The following EML5 variants were observed in gnomAD, a reference collection of about 807,000 sequenced individuals.
The protein encoded by EML5 is echinoderm microtubule-associated protein-like 5.
Under a neutral mutation model 250.0 loss-of-function variants are expected in EML5, and 120 were observed. That is an observed-to-expected ratio of 0.48 (90% CI 0.41 to 0.56). The LOEUF (loss-of-function observed/expected upper bound fraction) is 0.56, where lower values mean the gene tolerates loss of function less well. Among genes scored for constraint, EML5 ranks in the 20% least tolerant of loss-of-function variants. The pLI is 0.00. For synonymous variants in EML5, 771 were observed against 806.5 expected, an observed-to-expected ratio of 0.96 and a Z score of 0.75; for missense variants, 2,006 against 2,437.6, an observed-to-expected ratio of 0.82 and a Z score of 3.73.
At chr14:88,727,401 A>ATTTT (rs3055841) in intron 7 of EML5, among the ~76,000 whole-genome samples, 19 of 131,690 alleles carry the variant, frequency 1.4e-4, no homozygotes, top group East Asian at 8.9e-4. Context: ...GATACACTGC[A>ATTTT]TTTTTTTTTT....
chr14:88,719,247 T>C (rs564213177), intron 8 of EML5, among the ~76,000 whole-genome samples: 1 of 152,206 alleles, frequency 6.6e-6, no homozygotes, highest in South Asian at 2.1e-4. Context: ...TAGCTAGGCA[T>C]GGTGGCTACT....
intron 33 of EML5, among the ~76,000 whole-genome samples, chr14:88,628,238 A>G (rs1221339902): frequency 6.6e-6 from 1 of 152,172 alleles, no homozygotes; most frequent in African/African-American, 2.4e-5. Flanking sequence ...TATCTGAAAG[A>G]GAAGTGAAAA....
At chr14:88,782,325 T>A (rs2094505547) in intron 1 of EML5, among the ~76,000 whole-genome samples, 1 of 152,072 alleles carries the variant, frequency 6.6e-6, no homozygotes, top group Admixed American at 6.5e-5. Flanking sequence ...GACAAAGAAT[T>A]CAAGAGGAAG....
intron 27 of EML5, 84 bp downstream of exon 27, chr14:88,657,292 T>C: frequency 7.6e-7 from 1 of 1,321,184 alleles, no homozygotes; most frequent in South Asian, 1.5e-5. Flanking sequence ...TTACTTAGTT[T>C]GTGTAAAAAA....
At chr14:88,621,737 C>A (rs1362495126) in intron 37 of EML5, 1 of 343,618 alleles carries the variant, frequency 2.9e-6, no homozygotes, top group South Asian at 2.4e-5. Context: ...TTAATAAGTA[C>A]AAACACGCTC....
intron 4 of EML5, among the ~76,000 whole-genome samples, chr14:88,741,365 A>G (rs2093923109): frequency 6.6e-6 from 1 of 152,220 alleles, no homozygotes. Flanking sequence ...ATATTTTCAA[A>G]GCTGAGCAAT....
chr14:88,646,370 T>C (rs1046514115), intron 29 of EML5, among the ~76,000 whole-genome samples: 3 of 152,160 alleles, frequency 2.0e-5, no homozygotes, highest in Non-Finnish European at 2.9e-5. Flanking sequence ...ATAAACAATG[T>C]TTTCAAACCT....
At chr14:88,764,628 T>G (rs2094296044) in intron 1 of EML5, among the ~76,000 whole-genome samples, 1 of 152,212 alleles carries the variant, frequency 6.6e-6, no homozygotes, top group African/African-American at 2.4e-5. Flanking sequence ...TTGTGTTTGC[T>G]CTTCCATTTC....
At chr14:88,618,434 C>G in intron 40 of EML5, 103 bp from the exon 41 acceptor site, 1 of 1,152,216 alleles carries the variant, frequency 8.7e-7, no homozygotes, top group Non-Finnish European at 1.3e-6. Context: ...ATTTACATGT[C>G]TAACATTATT....
intron 1 of EML5, among the ~76,000 whole-genome samples, chr14:88,778,741 T>A (rs1173894371): frequency 6.6e-6 from 1 of 152,218 alleles, no homozygotes; most frequent in Non-Finnish European, 1.5e-5. Flanking sequence ...AATGCGCCAC[T>A]GCACTCCAGC....
At chr14:88,773,962 T>C (rs1400018017) in intron 1 of EML5, among the ~76,000 whole-genome samples, 1 of 151,902 alleles carries the variant, frequency 6.6e-6, no homozygotes, top group Non-Finnish European at 1.5e-5. Flanking sequence ...CTACTAAAAA[T>C]ACAAAAATTA....
At chr14:88,745,333 T>G (rs1231050896) in intron 3 of EML5, among the ~76,000 whole-genome samples, 3 of 152,086 alleles carry the variant, frequency 2.0e-5, no homozygotes, top group Non-Finnish European at 4.4e-5. Context: ...CTGTGCTGGT[T>G]CAGGTTAGGA....
chr14:88,783,446 C>T (rs1303019386), intron 1 of EML5, among the ~76,000 whole-genome samples: 2 of 152,192 alleles, frequency 1.3e-5, no homozygotes, highest in Non-Finnish European at 1.5e-5. Context: ...CCTATAAATA[C>T]ACACACGGAC....
intron 33 of EML5, among the ~76,000 whole-genome samples, chr14:88,628,695 ATCAT>A (rs2140440115): frequency 6.6e-6 from 1 of 152,208 alleles, no homozygotes; most frequent in Admixed American, 6.5e-5. Flanking sequence ...GCTGCCTTAA[ATCAT>A]TCAATGCAGA....
intron 9 of EML5, among the ~76,000 whole-genome samples, chr14:88,714,669 CA>C (rs1237119817): frequency 6.6e-6 from 1 of 151,946 alleles, no homozygotes; most frequent in Non-Finnish European, 1.5e-5. Flanking sequence ...TCAATATATA[CA>C]ATTTTTAATG....
At position 88,616,867 on chromosome 14, in the gene EML5, A is replaced by G; in HGVS notation, c.5655T>C (p.Asp1885=). The G allele has an allele frequency of 6.2e-7, 1 of 1,613,724 alleles. No individual in the cohort carries two copies. The highest frequency in any genetic ancestry group is 8.5e-7 in the Non-Finnish European group (1 of 1,179,706). ...GTCTGGACCAGATTCCCAAAACCTC[A>G]TCTCCTAGAATACTAGAGGGAAGGA... The part of the protein sequence containing the change: ...TWATWTSILG[D]EVLGIWSRHA... The change falls in exon 42 of 44, where the codon GAT becomes GAC. Residue 1885 remains aspartate, a synonymous_variant. Transcript: ENST00000554922.
Position 88,792,386 on chromosome 14 carries a change from C to T in EML5, c.118G>A (p.Val40Met). 1 of 1,572,290 alleles carries T rather than the reference C, an allele frequency of 6.4e-7. No homozygotes were observed. The highest frequency in any genetic ancestry group is 1.2e-5 in the South Asian group (1 of 85,384). ...CTGTACACCACGCCGACCCCCGCCA[C>T]GAAGTATACGATCTCCTTGGCCGCA... ...YTAAKEIVYFVAGVGVVYSPR... is the reference protein window; with the variant it reads ...YTAAKEIVYFMAGVGVVYSPR... Residue 40 changes from valine (V) to methionine (M), a missense_variant, in exon 1 of 44, where the codon GTG becomes ATG. Val to Met is a conservative substitution (Grantham distance 21). Around this residue, in one of 7 missense-constraint regions of EML5, gnomAD observed 162 missense variants for 212.2 expected, o/e 0.76. Transcript: ENST00000554922. The surrounding 1 kb of genome is among the most constrained non-coding windows in gnomAD (Gnocchi z 6.9).
intron 5 of EML5, 124 bp downstream of exon 5, chr14:88,740,263 T>C: frequency 1.5e-6 from 1 of 675,080 alleles, no homozygotes; most frequent in Non-Finnish European, 2.3e-6. Flanking sequence ...GATAATTCAG[T>C]TAGAAAAGCA....
chr14:88,625,140 G>C lies in EML5; in HGVS notation c.4741-13C>G. 1.9e-6 allele frequency: 3 copies of C among 1,612,528 alleles called. No homozygotes were observed. The highest frequency in any genetic ancestry group is 2.2e-5 in the East Asian group (1 of 44,834). ...ACGTCAAGTTATTCTGAAAAGGAGT[G>C]GGGGAGGGGGAGACAAACTCATCAA... On this transcript the variant is annotated splice_polypyrimidine_tract_variant and intron_variant, in intron 35 of 43. Transcript: ENST00000554922.
Sources: gnomAD v4.1 joint callset for allele counts (sites outside exome capture counted in the v4.1 genomes callset) on GRCh38, gnomAD v4.1.1 for gene constraint, gnomAD v4.1.1 regional missense constraint, Gnocchi (gnomAD v3.1) non-coding constraint, MANE v1.5 for transcripts, NCBI Gene and HGNC (gene_info 2026-07-23, HGNC 2026-07-21) for gene names.